The following CAST variants were observed in gnomAD, a reference collection of about 807,000 sequenced individuals.
CAST encodes calpastatin.
Under a neutral mutation model 119.6 loss-of-function variants are expected in CAST, and 76 were observed. The observed-to-expected ratio is 0.64, with a 90% CI of 0.53 to 0.77. The LOEUF (loss-of-function observed/expected upper bound fraction) is 0.77, where lower values mean the gene tolerates loss of function less well. CAST is among the 30% of genes least tolerant of loss of function. CAST has a pLI of 0.00. For synonymous variants in CAST, 319 were observed against 331.6 expected, an observed-to-expected ratio of 0.96 and a Z score of 0.41; for missense variants, 953 against 946.5, an observed-to-expected ratio of 1.01 and a Z score of -0.09.
At chr5:96,426,655 G>C in the CAST span, among the ~76,000 whole-genome samples, 1 of 152,104 alleles carries the variant, frequency 6.6e-6, no homozygotes, top group Non-Finnish European at 1.5e-5. Flanking sequence ...CTGCCTTGTA[G>C]TTATATTCAT....
the CAST span, among the ~76,000 whole-genome samples, chr5:96,098,868 T>C: frequency 6.6e-6 from 1 of 152,196 alleles, no homozygotes; most frequent in African/African-American, 2.4e-5. Flanking sequence ...GAATGGTCAA[T>C]TGTAGTTTAA....
chr5:96,549,897 G>T (rs1461144611), intron 1 of CAST, among the ~76,000 whole-genome samples: 2 of 152,226 alleles, frequency 1.3e-5, no homozygotes, highest in East Asian at 1.9e-4. Flanking sequence ...AAACAAAGCT[G>T]CAGGGAAGCT....
intron 1 of CAST, among the ~76,000 whole-genome samples, chr5:96,532,277 G>A (rs1745703419): frequency 6.6e-6 from 1 of 152,194 alleles, no homozygotes; most frequent in African/African-American, 2.4e-5. Flanking sequence ...GGCTTATTGT[G>A]ATGAATGAGA....
At chr5:96,705,343 AAG>A (rs931005139) in intron 3 of CAST, among the ~76,000 whole-genome samples, 4 of 152,122 alleles carry the variant, frequency 2.6e-5, no homozygotes, top group African/African-American at 9.7e-5. Context: ...AAAGAAAAAA[AAG>A]AAAAAAAAAG....
the CAST span, among the ~76,000 whole-genome samples, chr5:96,285,072 C>CT: frequency 1.3e-5 from 2 of 151,940 alleles, no homozygotes; most frequent in South Asian, 2.1e-4. Context: ...AAATACTTTT[C>CT]TTTTTTTTCC....
chr5:96,008,985 G>A, the CAST span, among the ~76,000 whole-genome samples: 9 of 152,136 alleles, frequency 5.9e-5, no homozygotes, highest in South Asian at 1.0e-3. Flanking sequence ...TCTATCAGTC[G>A]ACAGTGTTTA....
the CAST span, among the ~76,000 whole-genome samples, chr5:96,254,288 A>T: frequency 6.6e-6 from 1 of 152,096 alleles, no homozygotes; most frequent in African/African-American, 2.4e-5. Flanking sequence ...TTCTTCTAGT[A>T]TGTCTTAGAA....
At chr5:96,661,089 G>A (rs942668431), upstream of CAST, among the ~76,000 whole-genome samples, 1 of 151,580 alleles carries the variant, frequency 6.6e-6, no homozygotes, top group African/African-American at 2.4e-5. Flanking sequence ...GTTCTGCCAG[G>A]CTCCATATAG....
Position 96,773,086 on chromosome 5 carries a change from T to C in CAST, c.*470T>C, listed in dbSNP as rs190256645. 1.2e-4 allele frequency: 18 copies of C among 154,014 alleles called. No individual in the cohort carries two copies. The highest frequency in any genetic ancestry group is 4.3e-4 in the African/African-American group (18 of 41,568). The allele number at this position is 154,014 out of a possible 1,614,324, so 9.5% of individuals were successfully genotyped here. A position where few individuals can be genotyped will look rare whatever the true frequency, so the allele number is the denominator to read the frequency against. On this transcript the variant is annotated 3_prime_UTR_variant, in exon 32 of 32. Transcript: ENST00000675179. ...TGTTCTGATTTCTTATTACCCCCTTTCCTCTTGGGCTTTTGAACTGTATTT... is the reference window on the plus strand; with the variant it reads ...TGTTCTGATTTCTTATTACCCCCTTCCCTCTTGGGCTTTTGAACTGTATTT...
At chr5:96,626,517 T>C (rs1299540166) in intron 1 of CAST, among the ~76,000 whole-genome samples, 2 of 152,122 alleles carry the variant, frequency 1.3e-5, no homozygotes, top group Admixed American at 1.3e-4. Flanking sequence ...ATGGATGCGC[T>C]CCCTCCTGGC....
At chr5:96,715,228 A>G (rs752656727) in intron 3 of CAST, 8 of 152,104 alleles carry the variant, frequency 5.3e-5, no homozygotes, top group Admixed American at 3.3e-4. Context: ...AGTAGTCCCA[A>G]TTCTCTAAAT....
At chr5:96,011,775 GT>G in the CAST span, among the ~76,000 whole-genome samples, 1,058 of 152,260 alleles carry the variant, frequency 6.9e-3, 11 homozygotes, top group African/African-American at 0.025. Context: ...CTAATGAATT[GT>G]AAGTCATTTT....
the CAST span, among the ~76,000 whole-genome samples, chr5:96,380,790 A>G: frequency 9.8e-5 from 15 of 152,338 alleles, no homozygotes; most frequent in African/African-American, 3.4e-4. Flanking sequence ...GAAATGTGTC[A>G]ATATTTGGAA....
chr5:96,298,464 A>T, the CAST span, among the ~76,000 whole-genome samples: 1 of 152,126 alleles, frequency 6.6e-6, no homozygotes, highest in African/African-American at 2.4e-5. Context: ...AGGGTATTTG[A>T]CTTCATTTCT....
chr5:96,166,118 G>A, the CAST span, among the ~76,000 whole-genome samples: 6 of 152,156 alleles, frequency 3.9e-5, no homozygotes, highest in Non-Finnish European at 8.8e-5. Flanking sequence ...CTTCAGCTGG[G>A]AAGTGGTGGC....
chr5:96,142,028 T>A, the CAST span, among the ~76,000 whole-genome samples: 1 of 152,172 alleles, frequency 6.6e-6, no homozygotes, highest in Non-Finnish European at 1.5e-5. Context: ...CTTAGGAGAA[T>A]CCCCAGAAAG....
chr5:96,665,735 C>G (rs183928652), intron 1 of CAST, among the ~76,000 whole-genome samples: 243 of 150,674 alleles, frequency 1.6e-3, no homozygotes, highest in African/African-American at 5.6e-3. Context: ...AACACACACA[C>G]ACACACATAC....
the CAST span, among the ~76,000 whole-genome samples, chr5:96,181,485 A>T: frequency 6.6e-6 from 1 of 152,164 alleles, no homozygotes; most frequent in Non-Finnish European, 1.5e-5. Context: ...AACCTTCCAA[A>T]CAGGTTAGCA....
chr5:96,664,400 A>T (rs1268211805), intron 1 of CAST, among the ~76,000 whole-genome samples: 1 of 150,152 alleles, frequency 6.7e-6, no homozygotes, highest in Non-Finnish European at 1.5e-5. Context: ...TATATGTGTA[A>T]ATATATATAT....
Sources: gnomAD v4.1 joint callset for allele counts (sites outside exome capture counted in the v4.1 genomes callset) on GRCh38, gnomAD v4.1.1 for gene constraint, MANE v1.5 for transcripts, NCBI Gene and HGNC (gene_info 2026-07-23, HGNC 2026-07-21) for gene names.